Variants in CAPN5 observed in about 807,000 individuals in gnomAD.
The protein encoded by CAPN5 is calpain-5.
CAPN5 carries 54 observed loss-of-function variants against 73.0 expected under a neutral mutation model. The ratio of observed to expected loss-of-function variants is 0.74; its 90% CI spans 0.59 to 0.93. The LOEUF (loss-of-function observed/expected upper bound fraction) is 0.93. CAPN5 is among the 40% of genes least tolerant of loss of function. The pLI is 0.00. For synonymous variants in CAPN5, 335 were observed against 356.9 expected (o/e 0.94, Z 0.69); for missense variants, 785 against 882.9 (o/e 0.89, Z 1.41).
intron 1 of CAPN5, among the ~76,000 whole-genome samples, chr11:77,076,286 C>T (rs566761596): frequency 4.5e-4 from 68 of 152,260 alleles, no homozygotes; most frequent in Middle Eastern, 3.4e-3. Context: ...ATCCATTAGA[C>T]GGAGGTTGCT....
chr11:77,108,075 C>T (rs1555040190), intron 3 of CAPN5, among the ~76,000 whole-genome samples: 1 of 152,204 alleles, frequency 6.6e-6, no homozygotes, highest in African/African-American at 2.4e-5. Flanking sequence ...CTGCCATGCA[C>T]CGCAGTGGGT....
intron 3 of CAPN5, among the ~76,000 whole-genome samples, chr11:77,102,034 C>T (rs1565269099): frequency 6.6e-6 from 1 of 152,176 alleles, no homozygotes; most frequent in Non-Finnish European, 1.5e-5. Context: ...AGTCCCTGGC[C>T]CAGCAGCATG....
In CAPN5 at chr11:77,114,375, C is replaced by G. The variant is rs1950445383; in HGVS notation, c.640C>G (p.Leu214Val). The change falls in exon 5 of 13, where the codon CTC (leucine) becomes GTC (valine). Residue 214 changes from leucine to valine, a missense_variant. Coordinates refer to ENST00000648180, the MANE Select transcript of CAPN5 (RefSeq NM_004055.5). ...CAACGATGAGACTAAGAGGAACCAG[C>G]TCTTTGAGCGCATGTTAAAGGTGCA... ...FANDETKRNQLFERMLKVHSR... is the reference protein window; with the variant it reads ...FANDETKRNQVFERMLKVHSR... 4 of 1,614,174 alleles carry G rather than the reference C, an allele frequency of 2.5e-6. No individual in the cohort carries two copies. The highest frequency in any genetic ancestry group is 3.4e-6 in the Non-Finnish European group (4 of 1,180,016).
At chr11:77,122,547 T>TCC in intron 11 of CAPN5, 29 bp from the exon 12 acceptor site, 2 of 459,668 alleles carry the variant, frequency 4.4e-6, no homozygotes, top group Admixed American at 4.1e-5. Context: ...ACCCCCACCC[T>TCC]CACCCCATCT....
rs782670788 is a variant in CAPN5 at position 77,112,573 on chromosome 11, C to G, written c.298-16C>G. On this transcript the variant is annotated splice_polypyrimidine_tract_variant and intron_variant, in intron 3 of 12. Transcript: ENST00000648180. The stretch of plus-strand genomic sequence containing the variant: ...TCACTGTGTTCCCCCATCCTATCCC[C>G]CCTCCCCCTACCCAGGTCATCCCAG... 28 of 1,608,550 alleles carry G rather than the reference C, an allele frequency of 1.7e-5. No individual in the cohort carries two copies. Among genetic ancestry groups the G allele is most frequent in the African/African-American group, 2.7e-5 (2 of 74,778 alleles).
intron 3 of CAPN5, among the ~76,000 whole-genome samples, chr11:77,106,504 T>C (rs1437104190): frequency 1.3e-5 from 2 of 151,788 alleles, no homozygotes; most frequent in African/African-American, 4.8e-5. Context: ...AGGCAGCTAG[T>C]GTGGTGAGCG....
intron 1 of CAPN5, among the ~76,000 whole-genome samples, chr11:77,072,055 C>T (rs1949912295): frequency 1.3e-5 from 2 of 152,210 alleles, no homozygotes; most frequent in Admixed American, 6.5e-5. Context: ...GCCTCCTTTC[C>T]CGTTGACCTT....
intron 2 of CAPN5, among the ~76,000 whole-genome samples, chr11:77,089,309 T>A (rs1439362720): frequency 3.9e-5 from 6 of 152,250 alleles, no homozygotes; most frequent in Admixed American, 3.9e-4. Flanking sequence ...TCTCCATGCC[T>A]GCTCTGCCAG....
chr11:77,116,110 C>A, intron 6 of CAPN5, 116 bp from the exon 7 acceptor site: 1 of 906,616 alleles, frequency 1.1e-6, no homozygotes, highest in Non-Finnish European at 1.7e-6. Context: ...CCACACCGTG[C>A]CGCTGGAGGC....
intron 8 of CAPN5, among the ~76,000 whole-genome samples, chr11:77,118,579 C>T (rs541183135): frequency 8.8e-4 from 134 of 152,330 alleles, no homozygotes; most frequent in South Asian, 7.9e-3. Flanking sequence ...GAGGAAACCG[C>T]GGCTCTGAGG....
intron 5 of CAPN5, 110 bp from the exon 6 acceptor site, chr11:77,115,285 C>T (rs1205724730): frequency 2.5e-6 from 2 of 799,830 alleles, no homozygotes; most frequent in Non-Finnish European, 2.0e-6. Flanking sequence ...GACTGCAATT[C>T]CCATCCCATC....
chr11:77,077,725 G>T (rs1271712569), intron 1 of CAPN5, among the ~76,000 whole-genome samples: 2 of 152,076 alleles, frequency 1.3e-5, no homozygotes, highest in African/African-American at 4.8e-5. Flanking sequence ...ATGTTGAGCA[G>T]GCTGGTCTTG....
intron 3 of CAPN5, among the ~76,000 whole-genome samples, chr11:77,107,991 A>T (rs1433958928): frequency 6.6e-6 from 1 of 152,196 alleles, no homozygotes; most frequent in Non-Finnish European, 1.5e-5. Flanking sequence ...TTTAGTTCTC[A>T]TAACAGCCCT....
Position 77,088,401 on chromosome 11 carries a change from G to A in CAPN5, c.165+3350G>A, listed in dbSNP as rs144267591. ...CCTGGCAGCGGGGGCACACCCAGCC[G>A]AACTGCCCAGGAATGACCCCCTTCT... On this transcript the variant is annotated intron_variant, in intron 2 of 12. Transcript: ENST00000648180. Among the ~76,000 whole-genome samples, 501 of 152,258 alleles carry A rather than the reference G, an allele frequency of 3.3e-3. 1 individual carries two copies. The highest frequency in any genetic ancestry group is 0.011 in the African/African-American group (441 of 41,548).
Position 77,124,455 on chromosome 11 carries a change from G to C in CAPN5, c.*585G>C, listed in dbSNP as rs1215344815. On this transcript the variant is annotated 3_prime_UTR_variant, in exon 13 of 13. Transcript: ENST00000648180. Reference sequence around the variant, plus strand: ...GTGGAGATTTGCCAAATGAATAAACGACACCTTTGAGGCCCCAGGTGAAGC... The same window carrying C: ...GTGGAGATTTGCCAAATGAATAAACCACACCTTTGAGGCCCCAGGTGAAGC... The C allele has an allele frequency of 6.5e-6, 1 of 153,268 alleles. No individual in the cohort carries two copies. The highest frequency in any genetic ancestry group is 1.5e-5 in the Non-Finnish European group (1 of 68,744). The allele number at this position is 153,268 out of a possible 1,614,324, so 9.5% of individuals were successfully genotyped here. A position where few individuals can be genotyped will look rare whatever the true frequency, so the allele number is the denominator to read the frequency against.
intron 3 of CAPN5, chr11:77,103,418 T>A: frequency 6.8e-7 from 1 of 1,470,530 alleles, no homozygotes; most frequent in Non-Finnish European, 9.1e-7. Flanking sequence ...TTGGGGCCAT[T>A]ATTCTCGCTG....
intron 9 of CAPN5, chr11:77,119,486 A>C: frequency 6.5e-6 from 2 of 308,348 alleles, no homozygotes; most frequent in Non-Finnish European, 1.2e-5. Context: ...CTGGGCCCCC[A>C]CTGCTCCTCC....
intron 3 of CAPN5, among the ~76,000 whole-genome samples, chr11:77,109,291 C>T (rs996975231): frequency 9.2e-5 from 14 of 152,064 alleles, no homozygotes; most frequent in Non-Finnish European, 1.5e-4. Context: ...AAGTCTCTTC[C>T]AGTTCAAGAC....
At chr11:77,103,280 G>T (rs1247759157) in intron 3 of CAPN5, 2 of 1,612,936 alleles carry the variant, frequency 1.2e-6, no homozygotes, top group Non-Finnish European at 1.7e-6. Flanking sequence ...CCTTTGGCGA[G>T]GGTGTGGAGC....
Sources: allele counts gnomAD v4.1 joint callset (sites outside exome capture counted in the v4.1 genomes callset), GRCh38; gene constraint gnomAD v4.1.1; transcripts MANE v1.5; gene names NCBI Gene and HGNC (gene_info 2026-07-23, HGNC 2026-07-21).